The following PLEKHS1 variants were observed in gnomAD, a reference collection of about 807,000 sequenced individuals.
The protein encoded by PLEKHS1 is pleckstrin homology domain-containing family S member 1.
Under a neutral mutation model 51.0 loss-of-function variants are expected in PLEKHS1, and 55 were observed. The observed-to-expected ratio is 1.08, with a 90% CI of 0.87 to 1.35. PLEKHS1 has a LOEUF of 1.35. PLEKHS1 is among the 40% of genes most tolerant of loss of function. The pLI is 0.00. For synonymous variants in PLEKHS1, 153 were observed against 144.8 expected (o/e 1.06, Z -0.41); for missense variants, 398 against 423.0 (o/e 0.94, Z 0.52).
chr10:113,777,941 G>C, intron 11 of PLEKHS1: 2 of 449,710 alleles, frequency 4.4e-6, no homozygotes, highest in Non-Finnish European at 7.8e-6. Flanking sequence ...AGTGTGCTAT[G>C]ATTGCACCAC....
At chr10:113,762,532 C>A (rs1007860285) in intron 2 of PLEKHS1, among the ~76,000 whole-genome samples, 1 of 151,346 alleles carries the variant, frequency 6.6e-6, no homozygotes, top group Non-Finnish European at 1.5e-5. Context: ...AATTCTGATA[C>A]CTTGTGTTTT....
rs1564823413 is a variant in PLEKHS1 at position 113,769,909 on chromosome 10, GC to G, written c.552+10del. On this transcript the variant is annotated intron_variant, in intron 7 of 11. Transcript: ENST00000361048. The stretch of plus-strand genomic sequence containing the variant: ...ATGGTCTCCAAGACAAGGTAATGGG[GC>G]TCACTTCTTTCTCAGGACACCACAC... The G allele has an allele frequency of 1.3e-6, 2 of 1,589,054 alleles. No individual in the cohort carries two copies. The highest frequency in any genetic ancestry group is 1.7e-6 in the Non-Finnish European group (2 of 1,157,340).
chr10:113,753,355 A>C (rs1853938684), intron 1 of PLEKHS1, among the ~76,000 whole-genome samples: 1 of 152,170 alleles, frequency 6.6e-6, no homozygotes. Context: ...CTCAGGGATA[A>C]TTTTTTAAAT....
intron 2 of PLEKHS1, among the ~76,000 whole-genome samples, chr10:113,760,233 G>A (rs908147609): frequency 6.6e-6 from 1 of 152,192 alleles, no homozygotes; most frequent in Non-Finnish European, 1.5e-5. Context: ...TTGTATAGAT[G>A]TATCACAATG....
At chr10:113,781,778 C>CACCTG (rs1844879214) in exon 12 of PLEKHS1, 1 of 110,776 alleles carries the variant, frequency 9.0e-6, no homozygotes, top group African/African-American at 2.9e-5. Flanking sequence ...CCTCCTTCCC[C>CACCTG]CTTCCCCAAC....
chr10:113,771,836 T>C (rs896617543), intron 7 of PLEKHS1, 134 bp from the exon 8 acceptor site: 21 of 1,044,116 alleles, frequency 2.0e-5, no homozygotes, highest in Non-Finnish European at 2.7e-5. Flanking sequence ...TTGTGTGAGC[T>C]TCTGGATGTA....
exon 12 of PLEKHS1, chr10:113,781,912 T>C (rs1007279504): frequency 6.6e-6 from 1 of 152,298 alleles, no homozygotes; most frequent in Admixed American, 6.5e-5. Context: ...CTTGTTCTCT[T>C]AAAGACTCAG....
At chr10:113,768,117 T>C (rs994942975) in intron 5 of PLEKHS1, among the ~76,000 whole-genome samples, 6 of 152,110 alleles carry the variant, frequency 3.9e-5, no homozygotes. Context: ...CCCAGAAGCA[T>C]TCCATGTAAA....
At chr10:113,753,199 T>G (rs1853927877) in intron 1 of PLEKHS1, among the ~76,000 whole-genome samples, 1 of 152,072 alleles carries the variant, frequency 6.6e-6, no homozygotes, top group Non-Finnish European at 1.5e-5. Flanking sequence ...CATCACTCAT[T>G]AGGCTAACAG....
chr10:113,777,576 G>A (rs1844732119), intron 11 of PLEKHS1: 1 of 1,550,542 alleles, frequency 6.4e-7, no homozygotes, highest in African/African-American at 1.4e-5. Context: ...ACCAATTTGT[G>A]CCTCAGTTTT....
intron 9 of PLEKHS1, 123 bp from the exon 10 acceptor site, chr10:113,774,703 G>T (rs1593040323): frequency 2.5e-6 from 2 of 796,214 alleles, no homozygotes; most frequent in Non-Finnish European, 2.0e-6. Context: ...TCTGATAGTT[G>T]GACATACGTC....
At chr10:113,783,258 G>A (rs1254502733), downstream of PLEKHS1, 5 of 151,842 alleles carry the variant, frequency 3.3e-5, no homozygotes, top group South Asian at 2.1e-4. Flanking sequence ...AAATCATGTG[G>A]GTATTGCTTA....
chr10:113,767,491 A>T lies in PLEKHS1; in HGVS notation c.359+12A>T. On this transcript the variant is annotated intron_variant, in intron 5 of 11. Transcript: ENST00000361048. Reference sequence around the variant, plus strand: ...ATTGGCCACGACAGGTGAGAGAAGTAAGATAACACAGAATATCTACTGCAT... The same window carrying T: ...ATTGGCCACGACAGGTGAGAGAAGTTAGATAACACAGAATATCTACTGCAT... 15 of 1,597,192 alleles carry T rather than the reference A, an allele frequency of 9.4e-6. No individual in the cohort carries two copies. The highest frequency in any genetic ancestry group is 1.3e-5 in the Non-Finnish European group (15 of 1,174,442).
Position 113,777,118 on chromosome 10 carries a change from CT to C in PLEKHS1, c.1091+1253del, listed in dbSNP as rs1422146057. 1.2e-6 allele frequency: 2 copies of C among 1,612,254 alleles called. No individual in the cohort carries two copies. Among genetic ancestry groups the C allele is most frequent in the African/African-American group, 2.7e-5 (2 of 74,932 alleles). On this transcript the variant is annotated intron_variant, in intron 11 of 11. Transcript: ENST00000361048. Reference sequence around the variant, plus strand: ...ACTGGTATTGGATGTTGTATTCCCACTGCAGTGTGTCTCAGTGGGAAGGCCC... The same window carrying C: ...ACTGGTATTGGATGTTGTATTCCCACGCAGTGTGTCTCAGTGGGAAGGCCC...
intron 11 of PLEKHS1, chr10:113,777,689 C>T: frequency 6.6e-7 from 1 of 1,524,592 alleles, no homozygotes; most frequent in Non-Finnish European, 8.8e-7. Flanking sequence ...ATATTAGGTG[C>T]TCAATAAAGC....
At chr10:113,759,599 TG>T (rs535122447) in intron 2 of PLEKHS1, among the ~76,000 whole-genome samples, 144 of 152,318 alleles carry the variant, frequency 9.5e-4, no homozygotes, top group Middle Eastern at 3.4e-3. Flanking sequence ...TGGTATTGAG[TG>T]CACCAATAGT....
intron 8 of PLEKHS1, among the ~76,000 whole-genome samples, 168 bp from the exon 9 acceptor site, chr10:113,774,059 T>C (rs1348021548): frequency 6.6e-6 from 1 of 152,208 alleles, no homozygotes; most frequent in Admixed American, 6.5e-5. Context: ...CTTTGCTGGT[T>C]CAGTCTCGCG....
exon 12 of PLEKHS1, chr10:113,781,265 C>T (rs113002529): frequency 1.4e-5 from 1 of 72,814 alleles, no homozygotes; most frequent in South Asian, 6.3e-4. Flanking sequence ...TTCCCAACAC[C>T]TCCTTCCCAA....
At position 113,763,552 on chromosome 10, in the gene PLEKHS1, G is replaced by A. The variant is rs201418572; in HGVS notation, c.29-2859G>A. ...TTTTCTGCCTTCTTTTGGAATAATC[G>A]AATTTTTTATGAATCCATTTTATCT... is the stretch of plus-strand genomic sequence containing the variant. On this transcript the variant is annotated intron_variant, in intron 2 of 11. Coordinates refer to ENST00000361048, the Ensembl canonical transcript of PLEKHS1. 4.5e-4 allele frequency among the ~76,000 whole-genome samples: 69 copies of A among 151,844 alleles called. 2 individuals carry two copies. Among genetic ancestry groups the A allele is most frequent in the Admixed American group, 2.0e-4 (3 of 15,232 alleles).
Sources: allele counts gnomAD v4.1 joint callset (sites outside exome capture counted in the v4.1 genomes callset), GRCh38; gene constraint gnomAD v4.1.1; transcripts MANE v1.5; gene names NCBI Gene and HGNC (gene_info 2026-07-23, HGNC 2026-07-21).